The following CNTN5 variants were observed in gnomAD, a reference collection of about 807,000 sequenced individuals.
The protein encoded by CNTN5 is contactin-5.
In CNTN5, 77 loss-of-function variants were observed where a neutral mutation model predicts 129.1. The ratio of observed to expected loss-of-function variants is 0.60; its 90% CI spans 0.50 to 0.72. The LOEUF is 0.72. Among genes scored for constraint, CNTN5 ranks in the 30% least tolerant of loss-of-function variants. The pLI is 0.00. For missense variants in CNTN5, 1,478 were observed against 1,328.8 expected (o/e 1.11, Z -1.75); for synonymous variants, 509 against 465.6 (o/e 1.09, Z -1.20).
At chr11:100,185,839 C>A (rs1356948385) in intron 13 of CNTN5, among the ~76,000 whole-genome samples, 3 of 152,190 alleles carry the variant, frequency 2.0e-5, no homozygotes, top group African/African-American at 7.2e-5. Flanking sequence ...GCCAGGAAGA[C>A]AGACAGCCCT....
intron 2 of CNTN5, among the ~76,000 whole-genome samples, chr11:99,442,246 C>T (rs959675820): frequency 7.9e-5 from 12 of 151,978 alleles, no homozygotes; most frequent in South Asian, 6.2e-4. Context: ...CTTGGCTCAC[C>T]GCAACCTCCA....
intron 1 of CNTN5, among the ~76,000 whole-genome samples, chr11:99,078,686 G>A (rs1358601822): frequency 6.6e-6 from 1 of 152,126 alleles, no homozygotes; most frequent in Non-Finnish European, 1.5e-5. Context: ...AATAATCCAG[G>A]CACAGAAAGA....
chr11:99,291,816 GC>G (rs1565466964), intron 1 of CNTN5, among the ~76,000 whole-genome samples: 3 of 151,926 alleles, frequency 2.0e-5, no homozygotes, highest in Admixed American at 2.0e-4. Flanking sequence ...GTCTAACAAC[GC>G]CTTTTATTGA....
intron 3 of CNTN5, among the ~76,000 whole-genome samples, chr11:99,772,002 G>A (rs572150562): frequency 6.6e-6 from 1 of 151,430 alleles, no homozygotes; most frequent in Non-Finnish European, 1.5e-5. Context: ...AAAAATATGG[G>A]CACTGAGGGA....
At chr11:99,745,898 G>A (rs769486195) in intron 3 of CNTN5, among the ~76,000 whole-genome samples, 4 of 152,062 alleles carry the variant, frequency 2.6e-5, no homozygotes, top group African/African-American at 7.2e-5. Context: ...GAAAGAATAG[G>A]GCTATACTCA....
At chr11:100,183,250 T>C (rs1948194063) in intron 13 of CNTN5, among the ~76,000 whole-genome samples, 1 of 152,128 alleles carries the variant, frequency 6.6e-6, no homozygotes, top group South Asian at 2.1e-4. Context: ...TCTTAAATAT[T>C]TACCCAAAAG....
At chr11:99,046,183 AC>A (rs1238789115) in intron 1 of CNTN5, among the ~76,000 whole-genome samples, 1 of 152,028 alleles carries the variant, frequency 6.6e-6, no homozygotes, top group Non-Finnish European at 1.5e-5. Flanking sequence ...TACTAAAAAT[AC>A]AAAAAAAAAT....
chr11:100,082,612 A>C (rs554785298), intron 13 of CNTN5, among the ~76,000 whole-genome samples: 1 of 152,208 alleles, frequency 6.6e-6, no homozygotes, highest in South Asian at 2.1e-4. Context: ...TTTTTTAATT[A>C]CATTTTTGAT....
chr11:99,334,410 A>G (rs1433431875), intron 2 of CNTN5, among the ~76,000 whole-genome samples: 3 of 152,126 alleles, frequency 2.0e-5, no homozygotes, highest in South Asian at 2.1e-4. Flanking sequence ...GTGGTGATGG[A>G]TGTGATACTT....
chr11:99,168,336 G>A (rs1488324737), intron 1 of CNTN5, among the ~76,000 whole-genome samples: 2 of 151,978 alleles, frequency 1.3e-5, no homozygotes, highest in African/African-American at 2.4e-5. Context: ...GGCCGAGGCC[G>A]GGGGGGTGGG....
intron 8 of CNTN5, among the ~76,000 whole-genome samples, chr11:99,978,091 G>A (rs1253391774): frequency 2.6e-5 from 4 of 152,176 alleles, no homozygotes; most frequent in African/African-American, 4.8e-5. Flanking sequence ...AGTGTAACCT[G>A]TGTAGGCTAG....
intron 9 of CNTN5, among the ~76,000 whole-genome samples, chr11:100,023,477 T>C (rs1941268214): frequency 1.3e-5 from 2 of 152,222 alleles, no homozygotes; most frequent in South Asian, 4.1e-4. Flanking sequence ...TGGTACATTT[T>C]TTACAACTGA....
At chr11:100,125,718 G>C (rs751104339) in intron 13 of CNTN5, among the ~76,000 whole-genome samples, 2 of 152,016 alleles carry the variant, frequency 1.3e-5, no homozygotes, top group Non-Finnish European at 2.9e-5. Context: ...AGTTTGGCTA[G>C]TGGTCTATCA....
At chr11:100,255,627 C>G (rs1278574878) in intron 16 of CNTN5, 133 bp from the exon 17 acceptor site, 11 of 745,228 alleles carry the variant, frequency 1.5e-5, no homozygotes, top group Non-Finnish European at 2.2e-5. Context: ...TTTTTGTTGT[C>G]AATTTTAATT....
At chr11:99,666,741 C>A (rs1409917440) in intron 3 of CNTN5, among the ~76,000 whole-genome samples, 1 of 152,114 alleles carries the variant, frequency 6.6e-6, no homozygotes, top group Non-Finnish European at 1.5e-5. Flanking sequence ...ACAAAAGCAG[C>A]AGAAACCAGG....
chr11:99,231,394 G>C (rs1212965001), intron 1 of CNTN5, among the ~76,000 whole-genome samples: 2 of 152,152 alleles, frequency 1.3e-5, no homozygotes, highest in Admixed American at 6.5e-5. Flanking sequence ...TTTCTCTAAT[G>C]ATCAGTGATG....
intron 3 of CNTN5, among the ~76,000 whole-genome samples, chr11:99,686,041 C>T (rs146030195): frequency 0.014 from 2,084 of 152,098 alleles, 31 homozygotes; most frequent in Non-Finnish European, 0.019. Context: ...AGAATTTGTA[C>T]AGTGACCATA....
chr11:99,320,335 C>G (rs187029037), intron 1 of CNTN5, among the ~76,000 whole-genome samples: 1 of 152,062 alleles, frequency 6.6e-6, no homozygotes, highest in Non-Finnish European at 1.5e-5. Flanking sequence ...CAGTGGAAGA[C>G]GAGATGATTA....
chr11:100,258,751 A>T (rs934911233), intron 17 of CNTN5, among the ~76,000 whole-genome samples: 1 of 152,202 alleles, frequency 6.6e-6, no homozygotes, highest in African/African-American at 2.4e-5. Flanking sequence ...ATGCTGAGAG[A>T]TGTTGTCACC....
Sources: gnomAD v4.1 joint callset for allele counts (sites outside exome capture counted in the v4.1 genomes callset) on GRCh38, gnomAD v4.1.1 for gene constraint, MANE v1.5 for transcripts, NCBI Gene and HGNC (gene_info 2026-07-23, HGNC 2026-07-21) for gene names.